The following OCRL variants were observed in gnomAD, a reference collection of about 807,000 sequenced individuals.
OCRL encodes OCRL inositol polyphosphate-5-phosphatase, also known as inositol polyphosphate 5-phosphatase OCRL.
Under a neutral mutation model 78.9 loss-of-function variants are expected in OCRL, and 8 were observed. That is an observed-to-expected ratio of 0.10 (90% CI 0.06 to 0.18). The LOEUF (loss-of-function observed/expected upper bound fraction) is 0.18, where lower values mean the gene tolerates loss of function less well. OCRL is among the 10% of genes least tolerant of loss of function. The pLI is 1.00. For missense variants in OCRL, 454 were observed against 696.7 expected, an observed-to-expected ratio of 0.65 and a Z score of 3.92; for synonymous variants, 240 against 235.4, an observed-to-expected ratio of 1.02 and a Z score of -0.18.
chrX:129,563,998 A>C (rs1323441846), intron 12 of OCRL, among the ~76,000 whole-genome samples: 17 of 108,876 alleles, frequency 1.6e-4, no homozygotes, highest in African/African-American at 5.3e-4. Context: ...TAATATCCAG[A>C]ATCTACAATG....
intron 12 of OCRL, among the ~76,000 whole-genome samples, chrX:129,564,567 T>C (rs935682837): frequency 9.0e-6 from 1 of 111,156 alleles, no homozygotes; most frequent in Admixed American, 9.6e-5. Flanking sequence ...TCATGTCCTT[T>C]GTAGGGACAT....
intron 15 of OCRL, among the ~76,000 whole-genome samples, chrX:129,573,993 A>G (rs1236818313): frequency 1.2e-4 from 13 of 112,121 alleles, no homozygotes; most frequent in Non-Finnish European, 2.3e-4. Context: ...GCTGCAGTAA[A>G]CATATGTGTG....
intron 4 of OCRL, among the ~76,000 whole-genome samples, chrX:129,552,214 A>T (rs1354085140): frequency 4.5e-5 from 5 of 111,636 alleles, no homozygotes; most frequent in Non-Finnish European, 9.4e-5. Flanking sequence ...GAAGAGAAGC[A>T]GTCAGACTTG....
chrX:129,551,537 C>T (rs1935960060), intron 4 of OCRL, among the ~76,000 whole-genome samples: 1 of 111,864 alleles, frequency 8.9e-6, no homozygotes, highest in Non-Finnish European at 1.9e-5. Context: ...CAGGTTCACA[C>T]CATTCTCCTG....
At chrX:129,583,528 T>G (rs1282976031) in intron 18 of OCRL, among the ~76,000 whole-genome samples, 1 of 111,918 alleles carries the variant, frequency 8.9e-6, no homozygotes, top group Non-Finnish European at 1.9e-5. Flanking sequence ...GAATAATATC[T>G]ACTTTGCACA....
In OCRL at chrX:129,590,946, G is replaced by A. The variant is rs937839035; in HGVS notation, c.*676G>A. The A allele has an allele frequency of 8.8e-6, 1 of 114,155 alleles. No homozygotes were observed. The highest frequency in any genetic ancestry group is 1.9e-5 in the Non-Finnish European group (1 of 53,968). The allele number at this position is 114,155 out of a possible 1,213,427, so 9.4% of individuals were successfully genotyped here. Reference sequence around the variant, plus strand: ...TCACATTTAGTAGCATAACTGTAGGGACTATTAGAGATGGCATCTCATCGA... The same window carrying A: ...TCACATTTAGTAGCATAACTGTAGGAACTATTAGAGATGGCATCTCATCGA... On this transcript the variant is annotated 3_prime_UTR_variant, in exon 24 of 24. Transcript: ENST00000371113.
chrX:129,545,236 G>A (rs1935863589), intron 3 of OCRL, among the ~76,000 whole-genome samples, 199 bp downstream of exon 3: 1 of 112,497 alleles, frequency 8.9e-6, no homozygotes, highest in African/African-American at 3.2e-5. Flanking sequence ...TTGTATATGT[G>A]TGTCTATAGT....
chrX:129,561,369 T>C, intron 10 of OCRL, 76 bp downstream of exon 10: 1 of 634,025 alleles, frequency 1.6e-6, no homozygotes, highest in Non-Finnish European at 2.7e-6. Context: ...TATCTACAAC[T>C]TGTTCCAAAA....
At chrX:129,571,720 T>C (rs3116745) in intron 15 of OCRL, among the ~76,000 whole-genome samples, 5,787 of 111,541 alleles carry the variant, frequency 0.052, 310 homozygotes, top group African/African-American at 0.16. Flanking sequence ...CCTGTGTATT[T>C]ATGTATATCT....
chrX:129,568,206 G>A (rs1260600634), intron 14 of OCRL, among the ~76,000 whole-genome samples: 1 of 111,674 alleles, frequency 9.0e-6, no homozygotes, highest in Non-Finnish European at 1.9e-5. Flanking sequence ...GTGAGCCACC[G>A]CGCCCGGCCA....
In OCRL at chrX:129,540,299, C is replaced by T; in HGVS notation, c.-141C>T. 1.5e-6 allele frequency: 1 copy of T among 673,168 alleles called. No homozygotes were observed. The highest frequency in any genetic ancestry group is 2.3e-6 in the Non-Finnish European group (1 of 440,103). The allele number at this position is 673,168 out of a possible 1,213,427, so 55.5% of individuals were successfully genotyped here. A position where few individuals can be genotyped will look rare whatever the true frequency, so the allele number is the denominator to read the frequency against. ...TTCTCAGCTCCCAGCTCCCCGCTCC[C>T]GGCTCCCGGCGCCCGGCGCCCGGCG... On this transcript the variant is annotated 5_prime_UTR_variant, in exon 1 of 24. Transcript: ENST00000371113.
chrX:129,553,393 AG>A (rs1428765961), intron 4 of OCRL: 1 of 112,035 alleles, frequency 8.9e-6, no homozygotes, highest in East Asian at 2.8e-4. Context: ...ACGTGACTGG[AG>A]GGGAATATAG....
rs765084702 is a variant in OCRL at position 129,589,955 on chromosome X, C to T, written c.2580C>T (p.Ile860=). 3.4e-6 allele frequency: 4 copies of T among 1,181,907 alleles called. No homozygotes were observed. Among genetic ancestry groups the T allele is most frequent in the Non-Finnish European group, 4.6e-6 (4 of 869,424 alleles). Reference sequence around the variant, plus strand: ...ACAATAGCGTCAATGCCAACATGATCGGTAAGAGTGCTTCATGCAACACGG... The same window carrying T: ...ACAATAGCGTCAATGCCAACATGATTGGTAAGAGTGCTTCATGCAACACGG... ...SEYNSVNANM[I]ATLFTSLLLR... is the part of the protein sequence containing the mutation. Residue 860 remains isoleucine (I), a splice_region_variant and synonymous_variant, in exon 23 of 24, where the codon ATC becomes ATT. Transcript: ENST00000371113.
rs1329797835 is a variant in OCRL, at chrX:129,540,303, T to TCCCGGGG, written c.-132_-131insGGCCCGG. 4.2e-5 allele frequency: 29 copies of TCCCGGGG among 693,187 alleles called. No individual in the cohort carries two copies. Among genetic ancestry groups the TCCCGGGG allele is most frequent in the Non-Finnish European group, 6.3e-5 (29 of 459,553 alleles). The allele number at this position is 693,187 out of a possible 1,213,427, so 57.1% of individuals were successfully genotyped here. A position where few individuals can be genotyped will look rare whatever the true frequency, so the allele number is the denominator to read the frequency against. ...CAGCTCCCAGCTCCCCGCTCCCGGC[T>TCCCGGGG]CCCGGCGCCCGGCGCCCGGCGCGGA... is the stretch of plus-strand genomic sequence containing the variant. On this transcript the variant is annotated 5_prime_UTR_variant, in exon 1 of 24. Transcript: ENST00000371113.
At position 129,588,902 on chromosome X, in the gene OCRL, T is replaced by G; in HGVS notation, c.2358T>G (p.Ser786=). The G allele has an allele frequency of 8.3e-7, 1 of 1,211,714 alleles. No homozygotes were observed. The highest frequency in any genetic ancestry group is 3.0e-5 in the East Asian group (1 of 33,849). Reference sequence around the variant, plus strand: ...TTGATTCAGCTGGCAGCAACCACTCTGTGGCTGAAGCACTGCTCATTTTCT... The same window carrying G: ...TTGATTCAGCTGGCAGCAACCACTCGGTGGCTGAAGCACTGCTCATTTTCT... The part of the protein sequence containing the change: ...IPETIPGSNH[S]VAEALLIFLE... The change falls in exon 22 of 24, where the codon TCT becomes TCG. Residue 786 remains serine, a synonymous_variant. Transcript: ENST00000371113.
At chrX:129,575,779 A>G (rs1444959058) in intron 16 of OCRL, 118 bp from the exon 17 acceptor site, 5 of 823,314 alleles carry the variant, frequency 6.1e-6, no homozygotes, top group East Asian at 3.2e-5. Flanking sequence ...GTGAATGTCT[A>G]TGGCATTTGC....
chrX:129,570,373 G>A (rs1052437361), intron 15 of OCRL, among the ~76,000 whole-genome samples: 3 of 111,666 alleles, frequency 2.7e-5, no homozygotes, highest in Non-Finnish European at 5.6e-5. Context: ...TCTATTAAGC[G>A]TGGGTAATAT....
At chrX:129,584,622 A>G (rs1936486549) in intron 19 of OCRL, among the ~76,000 whole-genome samples, 1 of 112,237 alleles carries the variant, frequency 8.9e-6, no homozygotes, top group Non-Finnish European at 1.9e-5. Context: ...TTGAAATGAG[A>G]AGTAACTACA....
chrX:129,565,904 T>C, intron 13 of OCRL, 21 bp downstream of exon 13: 2 of 1,045,370 alleles, frequency 1.9e-6, no homozygotes, highest in Non-Finnish European at 2.7e-6. Context: ...TTTCATTTTA[T>C]AGGAACTTTC....
Sources: gnomAD v4.1 joint callset for allele counts (sites outside exome capture counted in the v4.1 genomes callset) on GRCh38, gnomAD v4.1.1 for gene constraint, MANE v1.5 for transcripts, NCBI Gene and HGNC (gene_info 2026-07-23, HGNC 2026-07-21) for gene names.